PCDHA7: variants seen among roughly 807,000 people sequenced by gnomAD.
PCDHA7 encodes protocadherin alpha 7.
PCDHA7 carries 37 observed loss-of-function variants against 57.2 expected under a neutral mutation model. The ratio of observed to expected loss-of-function variants is 0.65; its 90% CI spans 0.50 to 0.85. The LOEUF is 0.85. PCDHA7 is among the 40% of genes least tolerant of loss of function. PCDHA7 has a pLI of 0.00. For synonymous variants in PCDHA7, 553 were observed against 558.8 expected (o/e 0.99, Z 0.15); for missense variants, 1,188 against 1,241.8 (o/e 0.96, Z 0.65).
intron 3 of PCDHA7, among the ~76,000 whole-genome samples, chr5:140,985,840 T>C (rs1441638586): frequency 2.0e-5 from 3 of 149,512 alleles, no homozygotes; most frequent in African/African-American, 7.4e-5. Flanking sequence ...CCCGGGTTCA[T>C]GCCACTCTCC....
Position 140,870,925 on chromosome 5 carries a change from T to C in PCDHA7, c.2355+34187T>C, listed in dbSNP as rs1554164841. 8 of 1,613,916 alleles carry C rather than the reference T, an allele frequency of 5.0e-6. No homozygotes were observed. In the Admixed American group the frequency reaches 8.3e-5, roughly 17 times the overall value. On this transcript the variant is annotated intron_variant, in intron 1 of 3. Transcript: ENST00000525929. Reference sequence around the variant, plus strand: ...CTCAGGCTACAACGCGTGGCTTTCATATGAATTGCAGCCGGCGGCGGGCGG... The same window carrying C: ...CTCAGGCTACAACGCGTGGCTTTCACATGAATTGCAGCCGGCGGCGGGCGG...
Position 140,847,952 on chromosome 5 carries a change from A to T in PCDHA7, c.2355+11214A>T, listed in dbSNP as rs185156520. The T allele has an allele frequency of 1.9e-3, 295 of 152,428 alleles. 32 individuals are homozygous for T. Among genetic ancestry groups the T allele is most frequent in the Non-Finnish European group, 3.3e-3 (228 of 68,582 alleles). 9.4% of individuals were successfully genotyped at this position (152,428 alleles called of 1,614,324 possible). A position where few individuals can be genotyped will look rare whatever the true frequency, so the allele number is the denominator to read the frequency against. On this transcript the variant is annotated intron_variant, in intron 1 of 3. Coordinates refer to ENST00000525929, the MANE Select transcript of PCDHA7 (RefSeq NM_018910.3). ...ATTGCAACTCCTGGATTTCTCTTAC[A>T]CTAGAATCCTATTTCGAGCCATATG...
At chr5:140,857,676 C>T (rs1178476676) in intron 1 of PCDHA7, 1 of 1,596,974 alleles carries the variant, frequency 6.3e-7, no homozygotes, top group Non-Finnish European at 8.6e-7. Context: ...GGCGTGCCGC[C>T]TCTGGGCAGC....
intron 1 of PCDHA7, chr5:140,867,277 A>G (rs2153229225): frequency 6.6e-6 from 1 of 152,228 alleles, no homozygotes; most frequent in East Asian, 1.9e-4. Context: ...AATAAACCTG[A>G]TGTGCTTCAA....
chr5:140,841,892 C>A (rs2150324917), intron 1 of PCDHA7: 1 of 1,613,788 alleles, frequency 6.2e-7, no homozygotes, highest in Non-Finnish European at 8.5e-7. Context: ...TGAGAATAAA[C>A]TGGTTGAGCT....
intron 1 of PCDHA7, chr5:140,930,208 A>C (rs939593947): frequency 6.6e-6 from 1 of 152,220 alleles, no homozygotes; most frequent in African/African-American, 2.4e-5. Flanking sequence ...AGAAATATTT[A>C]TGTGTTCAAA....
intron 1 of PCDHA7, among the ~76,000 whole-genome samples, chr5:140,905,770 C>T (rs1402548672): frequency 6.6e-6 from 1 of 151,878 alleles, no homozygotes; most frequent in African/African-American, 2.4e-5. Flanking sequence ...AAGTATATTC[C>T]GAAGTGTATT....
At chr5:140,869,022 C>G in intron 1 of PCDHA7, 1 of 1,525,610 alleles carries the variant, frequency 6.6e-7, no homozygotes, top group African/African-American at 1.4e-5. Flanking sequence ...CTTAAGAATT[C>G]AACGAGATTT....
At chr5:140,837,457 C>T (rs1554136474) in intron 1 of PCDHA7, among the ~76,000 whole-genome samples, 2 of 151,816 alleles carry the variant, frequency 1.3e-5, no homozygotes, top group Non-Finnish European at 2.9e-5. Context: ...AAAAAATCTC[C>T]TTGCCTCCTC....
At chr5:140,864,927 G>T (rs2048656466) in intron 1 of PCDHA7, 1 of 152,138 alleles carries the variant, frequency 6.6e-6, no homozygotes, top group Non-Finnish European at 1.5e-5. Flanking sequence ...GCTTGGCAGG[G>T]TGTCTCAGGC....
At chr5:140,959,494 T>G (rs2153722388) in intron 1 of PCDHA7, among the ~76,000 whole-genome samples, 1 of 152,286 alleles carries the variant, frequency 6.6e-6, no homozygotes, top group South Asian at 2.1e-4. Flanking sequence ...TATATATGGA[T>G]CAAACTAAAA....
chr5:140,887,632 G>T (rs1554183131), intron 1 of PCDHA7, among the ~76,000 whole-genome samples: 1 of 151,834 alleles, frequency 6.6e-6, no homozygotes, highest in Admixed American at 6.6e-5. Context: ...ATGTTAGTCT[G>T]TTGGGGTTTG....
At chr5:140,852,689 T>C (rs993759166) in intron 1 of PCDHA7, 1 of 972,400 alleles carries the variant, frequency 1.0e-6, no homozygotes, top group Non-Finnish European at 1.2e-6. Flanking sequence ...AATATAGTCT[T>C]ATACTTTCAA....
chr5:140,866,263 T>G (rs1051175533), intron 1 of PCDHA7: 1 of 152,174 alleles, frequency 6.6e-6, no homozygotes, highest in Non-Finnish European at 1.5e-5. Context: ...CTTTCTTTAC[T>G]GTGAATAAAG....
chr5:140,947,760 A>C (rs1332466215), intron 1 of PCDHA7, among the ~76,000 whole-genome samples: 1 of 151,618 alleles, frequency 6.6e-6, no homozygotes, highest in Non-Finnish European at 1.5e-5. Context: ...TTATGGTTTA[A>C]AAAATTCTAT....
At chr5:140,910,485 A>G (rs1251216481) in intron 1 of PCDHA7, among the ~76,000 whole-genome samples, 1 of 152,206 alleles carries the variant, frequency 6.6e-6, no homozygotes. Flanking sequence ...TGGCATACAG[A>G]GAAGAGCAAT....
chr5:140,925,641 TATA>T (rs10569930), intron 1 of PCDHA7, among the ~76,000 whole-genome samples: 13,718 of 143,270 alleles, frequency 0.096, 957 homozygotes, highest in East Asian at 0.35. Context: ...GAACTTAAAG[TATA>T]ATAATAATAA....
intron 1 of PCDHA7, among the ~76,000 whole-genome samples, chr5:140,947,661 T>C (rs2094159982): frequency 6.6e-6 from 1 of 151,672 alleles, no homozygotes; most frequent in South Asian, 2.1e-4. Context: ...CTCCATTTAC[T>C]TGGGTCTTTA....
rs373471484 is a variant in PCDHA7, at chr5:140,997,017, TA to T, written c.2504-12609del. 5.1e-4 allele frequency among the ~76,000 whole-genome samples: 78 copies of T among 152,304 alleles called. No individual in the cohort carries two copies. The South Asian group carries it at 0.011, about 21-fold the overall frequency. ...TAACAATTTTGTGTGTATCCTCCAA[TA>T]TTTTTTTGAAATTAATGAACTTTAC... On this transcript the variant is annotated intron_variant, in intron 3 of 3. Transcript: ENST00000525929.
Sources: gnomAD v4.1 joint callset for allele counts (sites outside exome capture counted in the v4.1 genomes callset) on GRCh38, gnomAD v4.1.1 for gene constraint, MANE v1.5 for transcripts, NCBI Gene and HGNC (gene_info 2026-07-23, HGNC 2026-07-21) for gene names.